The following ADCY10 variants were observed in gnomAD, a reference collection of about 807,000 sequenced individuals.
ADCY10 encodes the protein adenylate cyclase 10, also known as adenylate cyclase type 10.
Under a neutral mutation model 183.3 loss-of-function variants are expected in ADCY10, and 156 were observed. That is an observed-to-expected ratio of 0.85 (90% CI 0.75 to 0.97). ADCY10 has a LOEUF of 0.97. ADCY10 is among the 50% of genes least tolerant of loss of function. The probability of loss-of-function intolerance (pLI) is 0.00; values close to 1 mark genes in which losing one functional copy is unlikely to be tolerated. For missense variants in ADCY10, 1,745 were observed against 1,934.3 expected (o/e 0.90, Z 1.84); for synonymous variants, 645 against 670.0 (o/e 0.96, Z 0.58).
At chr1:167,812,320 C>T (rs73039526) in intron 31 of ADCY10, among the ~76,000 whole-genome samples, 6,184 of 152,230 alleles carry the variant, frequency 0.041, 447 homozygotes, top group African/African-American at 0.14. Context: ...CCTCCACCAC[C>T]TTGACAGCCA....
At chr1:167,834,404 T>C (rs1316362099) in intron 23 of ADCY10, 1 of 412,838 alleles carries the variant, frequency 2.4e-6, no homozygotes, top group African/African-American at 2.0e-5. Flanking sequence ...CTCTCAATAA[T>C]TCTATCCCCA....
intron 7 of ADCY10, among the ~76,000 whole-genome samples, chr1:167,896,375 G>C (rs1216093129): frequency 6.6e-6 from 1 of 152,188 alleles, no homozygotes; most frequent in Non-Finnish European, 1.5e-5. Context: ...TGATGGATGA[G>C]GGAAAGGAGT....
chr1:167,855,371 C>T (rs991227302), intron 17 of ADCY10, among the ~76,000 whole-genome samples: 5 of 151,680 alleles, frequency 3.3e-5, no homozygotes, highest in Admixed American at 3.3e-4. Flanking sequence ...AAAGAAAACC[C>T]CAGGAGAGGA....
At chr1:167,810,046 A>G (rs1368186272) in intron 32 of ADCY10, among the ~76,000 whole-genome samples, 5 of 152,214 alleles carry the variant, frequency 3.3e-5, no homozygotes, top group Admixed American at 6.5e-5. Flanking sequence ...CACTTATTCA[A>G]CAAAACTGAG....
In ADCY10 at chr1:167,860,989, A is replaced by G. The variant is rs79478706; in HGVS notation, c.1691T>C (p.Val564Ala). 1,781 of 1,613,908 alleles carry G rather than the reference A, an allele frequency of 1.1e-3. 21 individuals are homozygous for G. The African/African-American group carries it at 0.02, about 19-fold the overall frequency. Residue 564 changes from valine (V) to alanine (A), a missense_variant, in exon 15 of 33, where the codon GTC becomes GCC. Physicochemically the swap from Val to Ala is moderately conservative, Grantham distance 64. Coordinates refer to ENST00000367851, the MANE Select transcript of ADCY10 (RefSeq NM_018417.6). The part of the protein sequence containing the change: ...FYTIQMFMAN[V>A]LGLDTCKHYK... ...ATGTTTACAAGTGTCTAGGCCTAGG[A>G]CATTGGCCATGAACATCTGGATGGT...
At chr1:167,885,218 T>C (rs1668140987) in intron 8 of ADCY10, among the ~76,000 whole-genome samples, 1 of 152,256 alleles carries the variant, frequency 6.6e-6, no homozygotes, top group South Asian at 2.1e-4. Context: ...CTTCCAAGTC[T>C]TGACTACTGT....
rs566614741 is a variant in ADCY10 at position 167,904,356 on chromosome 1, G to A, written c.149-365C>T. ...CCTCCTCGGCCTCCAAAAGTGTTGG[G>A]ATTGCAGGCGTGAGCCACCGAACCC... On this transcript the variant is annotated intron_variant, in intron 2 of 32. Coordinates refer to ENST00000367851, the MANE Select transcript of ADCY10 (RefSeq NM_018417.6). Among the ~76,000 whole-genome samples, 3 of 152,198 alleles carry A rather than the reference G, an allele frequency of 2.0e-5. No individual in the cohort carries two copies. The South Asian group carries it at 6.2e-4, about 32-fold the overall frequency.
chr1:167,900,268 C>G (rs758423164), intron 5 of ADCY10, among the ~76,000 whole-genome samples: 72 of 152,250 alleles, frequency 4.7e-4, no homozygotes, highest in Non-Finnish European at 9.0e-4. Context: ...TATCTTCGCT[C>G]TCTGCTATAC....
At chr1:167,812,773 G>C (rs1662301109) in intron 31 of ADCY10, among the ~76,000 whole-genome samples, 1 of 152,144 alleles carries the variant, frequency 6.6e-6, no homozygotes, top group Non-Finnish European at 1.5e-5. Flanking sequence ...TCAAGTAATT[G>C]ATGTATGAAA....
Position 167,861,069 on chromosome 1 carries a change from T to G in ADCY10, c.1617-6A>C, listed in dbSNP as rs566162437. ...TCAATGAAATGGCAATAATCCTGTT[T>G]GTGAGAAAATCAAGAAACAGAAGAG... On this transcript the variant is annotated splice_region_variant and splice_polypyrimidine_tract_variant and intron_variant, in intron 14 of 32. Coordinates refer to ENST00000367851, the MANE Select transcript of ADCY10 (RefSeq NM_018417.6). The G allele has an allele frequency of 4.3e-6, 7 of 1,612,948 alleles. No individual in the cohort carries two copies. Among genetic ancestry groups the G allele is most frequent in the Non-Finnish European group, 5.9e-6 (7 of 1,178,990 alleles).
chr1:167,903,050 T>C (rs1669550626), intron 3 of ADCY10, among the ~76,000 whole-genome samples: 1 of 151,452 alleles, frequency 6.6e-6, no homozygotes, highest in African/African-American at 2.4e-5. Flanking sequence ...AGGTCAGGAG[T>C]TAGAGACCAG....
chr1:167,883,178 C>CA (rs2102269655), intron 9 of ADCY10, among the ~76,000 whole-genome samples: 1 of 152,376 alleles, frequency 6.6e-6, no homozygotes, highest in East Asian at 1.9e-4. Flanking sequence ...GCTGAGATTA[C>CA]AGGCACGTGC....
chr1:167,851,212 G>T (rs1665454874), intron 18 of ADCY10, among the ~76,000 whole-genome samples: 1 of 151,884 alleles, frequency 6.6e-6, no homozygotes, highest in South Asian at 2.1e-4. Context: ...TTGAGACAGG[G>T]TCTCACTCCT....
chr1:167,892,619 A>G (rs1668673651), intron 8 of ADCY10, among the ~76,000 whole-genome samples: 1 of 152,144 alleles, frequency 6.6e-6, no homozygotes, highest in South Asian at 2.1e-4. Context: ...GACTTTTTTA[A>G]GCTTCAAAAG....
At chr1:167,864,135 T>C (rs1360144901) in intron 14 of ADCY10, among the ~76,000 whole-genome samples, 1 of 152,182 alleles carries the variant, frequency 6.6e-6, no homozygotes, top group African/African-American at 2.4e-5. Context: ...AATACTCTGA[T>C]TTTGGTTTTG....
chr1:167,877,070 A>G (rs1236611880), intron 12 of ADCY10, among the ~76,000 whole-genome samples: 5 of 152,002 alleles, frequency 3.3e-5, no homozygotes, highest in Non-Finnish European at 7.4e-5. Context: ...TGAGAAAAAT[A>G]AATGTTTATT....
intron 9 of ADCY10, 124 bp downstream of exon 9, chr1:167,883,313 C>G: frequency 1.9e-6 from 2 of 1,058,428 alleles, no homozygotes; most frequent in Non-Finnish European, 2.9e-6. Flanking sequence ...GCTGGGATTA[C>G]AGGCGTGAGC....
intron 25 of ADCY10, among the ~76,000 whole-genome samples, chr1:167,831,444 T>C (rs1663730552): frequency 6.6e-6 from 1 of 152,152 alleles, no homozygotes; most frequent in Non-Finnish European, 1.5e-5. Flanking sequence ...TCCGCCCCCC[T>C]CAGCCTCCCT....
In ADCY10 at chr1:167,823,103, A is replaced by G. The variant is rs376523925; in HGVS notation, c.4073T>C (p.Val1358Ala). The change falls in exon 29 of 33, where the codon GTG (valine) becomes GCG (alanine). Residue 1358 changes from valine to alanine, a missense_variant. Transcript: ENST00000367851. ...LNSRYPQLIQ[V>A]LGRLWELSVT... ...AGAAAGCTCCCACAGCCGCCCCAGC[A>G]CCTGGATCAATTGCGGGTATCTATG... is the stretch of plus-strand genomic sequence containing the variant. 5.6e-6 allele frequency: 9 copies of G among 1,614,036 alleles called. No homozygotes were observed. In the African/African-American group the frequency reaches 1.2e-4, roughly 22 times the overall value.
Sources: gnomAD v4.1 joint callset for allele counts (sites outside exome capture counted in the v4.1 genomes callset) on GRCh38, gnomAD v4.1.1 for gene constraint, MANE v1.5 for transcripts, NCBI Gene and HGNC (gene_info 2026-07-23, HGNC 2026-07-21) for gene names.